RERE: variants seen among roughly 807,000 people sequenced by gnomAD.
The protein encoded by RERE is arginine-glutamic acid dipeptide repeats.
RERE carries 40 observed loss-of-function variants against 146.1 expected under a neutral mutation model. That is an observed-to-expected ratio of 0.27 (90% confidence interval 0.21 to 0.36). The LOEUF is 0.36. Ranked by LOEUF, RERE falls within the 10% of genes least tolerant of loss-of-function variation. The probability of loss-of-function intolerance (pLI) is 1.00; values close to 1 mark genes in which losing one functional copy is unlikely to be tolerated. For synonymous variants in RERE, 1,003 were observed against 866.0 expected (o/e 1.16, Z -2.78); for missense variants, 1,933 against 2,138.7 (o/e 0.90, Z 1.90).
intron 4 of RERE, 48 bp from the exon 5 acceptor site, chr1:8,557,571 A>G (rs1451250066): frequency 8.1e-7 from 1 of 1,240,952 alleles, no homozygotes; most frequent in East Asian, 2.3e-5. Flanking sequence ...TCAGGTGGCC[A>G]CAAGTGCATA....
chr1:8,686,874 C>T (rs1010491890), intron 1 of RERE, among the ~76,000 whole-genome samples: 3 of 152,074 alleles, frequency 2.0e-5, no homozygotes, highest in East Asian at 1.9e-4. Context: ...GACTCGAAAG[C>T]GGGACGGTGA....
At chr1:8,797,802 T>G (rs1471493697) in intron 1 of RERE, among the ~76,000 whole-genome samples, 1 of 152,194 alleles carries the variant, frequency 6.6e-6, no homozygotes, top group African/African-American at 2.4e-5. Context: ...GACTGCAGTC[T>G]CTAGTAAGAG....
At chr1:8,469,081 TAAC>T (rs1298807320) in intron 10 of RERE, among the ~76,000 whole-genome samples, 1 of 151,854 alleles carries the variant, frequency 6.6e-6, no homozygotes, top group Non-Finnish European at 1.5e-5. Context: ...GATAAAATAA[TAAC>T]ATCAACCTCT....
At chr1:8,798,179 G>A (rs929207223) in intron 1 of RERE, among the ~76,000 whole-genome samples, 36 of 152,176 alleles carry the variant, frequency 2.4e-4, no homozygotes, top group African/African-American at 8.7e-4. Flanking sequence ...TGGATCACCT[G>A]AGATCAGGAG....
intron 7 of RERE, among the ~76,000 whole-genome samples, chr1:8,538,684 T>G (rs1475306946): frequency 1.3e-5 from 2 of 152,180 alleles, no homozygotes; most frequent in Admixed American, 6.5e-5. Flanking sequence ...CACTTAAGTA[T>G]TTGTTCAGTT....
chr1:8,465,884 C>T (rs773625090), intron 11 of RERE, 41 bp downstream of exon 11: 15 of 1,558,186 alleles, frequency 9.6e-6, no homozygotes, highest in Middle Eastern at 3.3e-4. Flanking sequence ...GCCGGTGGCC[C>T]GATGCCCCAG....
chr1:8,793,487 AC>A (rs1641406817), intron 1 of RERE, among the ~76,000 whole-genome samples: 1 of 152,198 alleles, frequency 6.6e-6, no homozygotes, highest in Admixed American at 6.6e-5. Flanking sequence ...AGAGGTTAAG[AC>A]CCAAGCAAAA....
chr1:8,453,663 G>A (rs769750383), intron 11 of RERE, among the ~76,000 whole-genome samples: 16 of 152,050 alleles, frequency 1.1e-4, no homozygotes, highest in Non-Finnish European at 1.5e-4. Context: ...AAAATTAGCC[G>A]GGTGTGGTGA....
chr1:8,565,512 G>T (rs1646143124), intron 4 of RERE, among the ~76,000 whole-genome samples: 2 of 152,174 alleles, frequency 1.3e-5, no homozygotes, highest in South Asian at 2.1e-4. Context: ...TTCATGACCA[G>T]CCTGGCCAAC....
In RERE at chr1:8,816,333, A is replaced by C. The variant is rs11121237; in HGVS notation, c.-145+827T>G. Among the ~76,000 whole-genome samples, 5 of 152,106 alleles carry C rather than the reference A, an allele frequency of 3.3e-5. No individual in the cohort carries two copies. In the East Asian group the frequency reaches 5.8e-4, roughly 18 times the overall value. ...TACCTTAAAAAAGCAACAGATACTGAAACATTTAAAGCACCCAGTTTCTCA... is the reference window on the plus strand; with the variant it reads ...TACCTTAAAAAAGCAACAGATACTGCAACATTTAAAGCACCCAGTTTCTCA... On this transcript the variant is annotated intron_variant, in intron 1 of 22. Coordinates refer to ENST00000400908, the MANE Select transcript of RERE (RefSeq NM_001042681.2).
At chr1:8,718,844 GATGAA>G (rs1286586141) in intron 1 of RERE, among the ~76,000 whole-genome samples, 2 of 152,160 alleles carry the variant, frequency 1.3e-5, no homozygotes, top group Admixed American at 6.5e-5. Flanking sequence ...TTATCATGGA[GATGAA>G]ATGAAATAAT....
Position 8,469,633 on chromosome 1 carries a change from T to C in RERE, c.1105-3610A>G, listed in dbSNP as rs185149698. 5.3e-5 allele frequency among the ~76,000 whole-genome samples: 8 copies of C among 152,070 alleles called. No homozygotes were observed. In the East Asian group the frequency reaches 1.5e-3, roughly 29 times the overall value. ...GTGAGACCCCGTCTCAAAAAAATAA[T>C]AATAGTAATAAGAAAAATAAAATCT... On this transcript the variant is annotated intron_variant, in intron 10 of 22. Transcript: ENST00000400908.
intron 8 of RERE, among the ~76,000 whole-genome samples, chr1:8,506,532 C>T (rs190925530): frequency 9.6e-4 from 146 of 152,318 alleles, no homozygotes; most frequent in African/African-American, 3.4e-3. Context: ...ACTAGACAGA[C>T]GACTGAAATC....
intron 2 of RERE, among the ~76,000 whole-genome samples, chr1:8,636,602 T>C (rs1027654117): frequency 3.9e-5 from 6 of 151,986 alleles, no homozygotes; most frequent in African/African-American, 1.4e-4. Context: ...AAAAAACATC[T>C]GGTACACAGT....
intron 11 of RERE, among the ~76,000 whole-genome samples, chr1:8,449,004 C>G (rs1330383136): frequency 6.6e-6 from 1 of 152,180 alleles, no homozygotes; most frequent in South Asian, 2.1e-4. Context: ...AGCTCTTTCG[C>G]TTGGTTAACT....
At chr1:8,662,463 C>A (rs1246008525) in intron 1 of RERE, among the ~76,000 whole-genome samples, 1 of 152,182 alleles carries the variant, frequency 6.6e-6, no homozygotes, top group African/African-American at 2.4e-5. Flanking sequence ...TCATTTGAGG[C>A]AAGGAGGCAA....
intron 4 of RERE, among the ~76,000 whole-genome samples, chr1:8,595,492 GTATT>G (rs1404412356): frequency 3.3e-5 from 5 of 150,592 alleles, no homozygotes; most frequent in Non-Finnish European, 4.4e-5. Context: ...TTATTTTAAT[GTATT>G]TATTTTTATG....
At chr1:8,620,459 A>AT (rs1472115318) in intron 3 of RERE, among the ~76,000 whole-genome samples, 1 of 152,134 alleles carries the variant, frequency 6.6e-6, no homozygotes, top group East Asian at 1.9e-4. Context: ...TAATTCTTTT[A>AT]TTTTTAATTT....
intron 12 of RERE, among the ~76,000 whole-genome samples, chr1:8,366,756 T>C (rs941920707): frequency 6.6e-6 from 1 of 152,062 alleles, no homozygotes; most frequent in Non-Finnish European, 1.5e-5. Context: ...GCAAGATACC[T>C]TTTTGGAAAT....
Sources: gnomAD v4.1 joint callset for allele counts (sites outside exome capture counted in the v4.1 genomes callset) on GRCh38, gnomAD v4.1.1 for gene constraint, MANE v1.5 for transcripts, NCBI Gene and HGNC (gene_info 2026-07-23, HGNC 2026-07-21) for gene names.